The following PXDNL variants were observed in gnomAD, a reference collection of about 807,000 sequenced individuals.
The protein encoded by PXDNL is peroxidasin like, also known as probable oxidoreductase PXDNL.
PXDNL carries 145 observed loss-of-function variants against 150.8 expected under a neutral mutation model. The ratio of observed to expected loss-of-function variants is 0.96; its 90% CI spans 0.84 to 1.10. PXDNL has a LOEUF of 1.10. PXDNL is among the 50% of genes least tolerant of loss of function. The pLI is 0.00. For missense variants in PXDNL, 2,087 were observed against 1,873.9 expected (o/e 1.11, Z -2.10); for synonymous variants, 757 against 725.7 (o/e 1.04, Z -0.69).
chr8:51,437,012 G>T (rs1042669796), intron 12 of PXDNL, among the ~76,000 whole-genome samples: 2 of 152,072 alleles, frequency 1.3e-5, no homozygotes, highest in African/African-American at 4.8e-5. Context: ...AATGAAACAG[G>T]AGATATTACA....
intron 19 of PXDNL, among the ~76,000 whole-genome samples, chr8:51,356,218 G>A (rs1399838116): frequency 6.6e-6 from 1 of 152,196 alleles, no homozygotes; most frequent in East Asian, 1.9e-4. Flanking sequence ...GCTGGGTGGG[G>A]TGGCCCATGC....
rs183837854 is a variant in PXDNL, at chr8:51,656,631, G to A, written c.165-1871C>T. Among the ~76,000 whole-genome samples the A allele has an allele frequency of 6.5e-4, 99 of 152,156 alleles. 1 individual carries two copies. In the East Asian group the frequency reaches 0.019, roughly 28 times the overall value. The stretch of plus-strand genomic sequence containing the variant: ...TACAACAAGGAAGCAAATATAAAAA[G>A]ATAAACCATTTTCCTTATTTTCGGC... On this transcript the variant is annotated intron_variant, in intron 1 of 22. Coordinates refer to ENST00000356297, the MANE Select transcript of PXDNL (RefSeq NM_144651.5).
intron 4 of PXDNL, among the ~76,000 whole-genome samples, chr8:51,525,802 CA>C (rs1811759134): frequency 6.6e-6 from 1 of 152,156 alleles, no homozygotes; most frequent in African/African-American, 2.4e-5. Context: ...ACAGCAGGAC[CA>C]GGGGACAGCT....
In PXDNL at chr8:51,706,800, G is replaced by A. The variant is rs142912064; in HGVS notation, c.165-52040C>T. Among the ~76,000 whole-genome samples, 185 of 152,194 alleles carry A rather than the reference G, an allele frequency of 1.2e-3. 1 individual carries two copies. The highest frequency in any genetic ancestry group is 3.6e-3 in the African/African-American group (151 of 41,534). On this transcript the variant is annotated intron_variant, in intron 1 of 22. Transcript: ENST00000356297. Reference sequence around the variant, plus strand: ...CAAACTTCAATATGAGGTTTCTTACGCTCCTCTTTGCTAAGAGTGTAATTT... The same window carrying A: ...CAAACTTCAATATGAGGTTTCTTACACTCCTCTTTGCTAAGAGTGTAATTT...
intron 3 of PXDNL, among the ~76,000 whole-genome samples, chr8:51,581,062 A>C (rs1813201015): frequency 6.6e-6 from 1 of 152,156 alleles, no homozygotes; most frequent in African/African-American, 2.4e-5. Flanking sequence ...GATTAGGAGA[A>C]CTGGTCTTGA....
intron 10 of PXDNL, among the ~76,000 whole-genome samples, chr8:51,452,924 G>GCACGCACACAAACACATA (rs1809837540): frequency 6.5e-5 from 4 of 61,218 alleles, no homozygotes; most frequent in Non-Finnish European, 1.3e-4. Context: ...ACACACAAAC[G>GCACGCACACAAACACATA]CACACACACA....
At chr8:51,578,212 T>A (rs574714753) in intron 3 of PXDNL, among the ~76,000 whole-genome samples, 8 of 152,034 alleles carry the variant, frequency 5.3e-5, no homozygotes, top group African/African-American at 1.9e-4. Context: ...AATATGCTTA[T>A]GTATGTAAAA....
At chr8:51,365,163 C>A (rs1806875469) in intron 19 of PXDNL, among the ~76,000 whole-genome samples, 1 of 152,152 alleles carries the variant, frequency 6.6e-6, no homozygotes, top group African/African-American at 2.4e-5. Flanking sequence ...GCCTCAAATT[C>A]CTGGCCTCAA....
intron 13 of PXDNL, 150 bp from the exon 14 acceptor site, chr8:51,423,881 G>A: frequency 1.7e-6 from 1 of 582,672 alleles, no homozygotes. Flanking sequence ...TGAATCTAGT[G>A]GAGAGAAGGA....
intron 4 of PXDNL, among the ~76,000 whole-genome samples, chr8:51,534,267 G>A (rs1811997221): frequency 1.4e-5 from 2 of 141,606 alleles, no homozygotes; most frequent in South Asian, 4.4e-4. Flanking sequence ...CGTCTGAGAA[G>A]TGAGGAGCCC....
At chr8:51,322,421 T>C (rs12550267) in intron 21 of PXDNL, among the ~76,000 whole-genome samples, 33,108 of 151,998 alleles carry the variant, frequency 0.22, 3,744 homozygotes, top group Middle Eastern at 0.3. Flanking sequence ...TGGGGAGATC[T>C]ACAGAGAACA....
chr8:51,425,860 C>T (rs962062097), intron 13 of PXDNL, among the ~76,000 whole-genome samples: 1 of 151,756 alleles, frequency 6.6e-6, no homozygotes, highest in African/African-American at 2.4e-5. Context: ...ACTGAGAGGA[C>T]ATGAACCGAA....
At chr8:51,590,299 A>G (rs1006534353) in intron 3 of PXDNL, among the ~76,000 whole-genome samples, 1 of 152,062 alleles carries the variant, frequency 6.6e-6, no homozygotes, top group Admixed American at 6.5e-5. Flanking sequence ...CCAAGCAGAA[A>G]CCTGCCACAG....
rs552963532 is a variant in PXDNL, at chr8:51,406,817, G to C, written c.3557+1250C>G. On this transcript the variant is annotated intron_variant, in intron 17 of 22. Transcript: ENST00000356297. ...CGCACGCTGTCAGGCTTTCCCTGGT[G>C]GATGCTGTTCAGTCATCTCGGCTCC... Among the ~76,000 whole-genome samples, 276 of 152,264 alleles carry C rather than the reference G, an allele frequency of 1.8e-3. 2 individuals are homozygous for C. Among genetic ancestry groups the C allele is most frequent in the African/African-American group, 6.4e-3 (265 of 41,550 alleles).
At chr8:51,705,139 G>C (rs1156482347) in intron 1 of PXDNL, among the ~76,000 whole-genome samples, 1 of 152,156 alleles carries the variant, frequency 6.6e-6, no homozygotes, top group African/African-American at 2.4e-5. Flanking sequence ...TTTGACTGAA[G>C]CTTTGATTCT....
Position 51,694,296 on chromosome 8 carries a change from G to A in PXDNL, c.165-39536C>T, listed in dbSNP as rs1816067515. Reference sequence around the variant, plus strand: ...GGGAATCACTTGAATCCAGGAGGCGGAGGTTGCACTGAGCCAAGATGGTGC... The same window carrying A: ...GGGAATCACTTGAATCCAGGAGGCGAAGGTTGCACTGAGCCAAGATGGTGC... On this transcript the variant is annotated intron_variant, in intron 1 of 22. Coordinates refer to ENST00000356297, the MANE Select transcript of PXDNL (RefSeq NM_144651.5). 3.3e-5 allele frequency among the ~76,000 whole-genome samples: 5 copies of A among 152,192 alleles called. No individual in the cohort carries two copies. The South Asian group carries it at 1.0e-3, about 32-fold the overall frequency.
chr8:51,644,230 TA>T (rs1188179244), intron 2 of PXDNL, among the ~76,000 whole-genome samples: 1 of 144,578 alleles, frequency 6.9e-6, no homozygotes, highest in East Asian at 2.1e-4. Context: ...ATCAGAGAAC[TA>T]AAAGTGAAGG....
At position 51,557,447 on chromosome 8, in the gene PXDNL, T is replaced by C. The variant is rs116610778; in HGVS notation, c.309-536A>G. 1.9e-3 allele frequency among the ~76,000 whole-genome samples: 285 copies of C among 152,270 alleles called. 2 individuals carry two copies. Among genetic ancestry groups the C allele is most frequent in the African/African-American group, 6.6e-3 (275 of 41,574 alleles). On this transcript the variant is annotated intron_variant, in intron 3 of 22. Coordinates refer to ENST00000356297, the MANE Select transcript of PXDNL (RefSeq NM_144651.5). ...GATACAACTAATCTTTACCAAAGGG[T>C]TTAAAGAAAACAATTTATGTGACAT... is the stretch of plus-strand genomic sequence containing the variant.
At position 51,547,020 on chromosome 8, in the gene PXDNL, G is replaced by A. The variant is rs553926172; in HGVS notation, c.380+9820C>T. Reference sequence around the variant, plus strand: ...CCCCACCAAAGAAGAGTCTGAGCTCGGTACTGCCCAATCCTGCCCCCACCT... The same window carrying A: ...CCCCACCAAAGAAGAGTCTGAGCTCAGTACTGCCCAATCCTGCCCCCACCT... On this transcript the variant is annotated intron_variant, in intron 4 of 22. Coordinates refer to ENST00000356297, the MANE Select transcript of PXDNL (RefSeq NM_144651.5). Among the ~76,000 whole-genome samples, 20 of 152,226 alleles carry A rather than the reference G, an allele frequency of 1.3e-4. No individual in the cohort carries two copies. The Middle Eastern group carries it at 0.01, about 78-fold the overall frequency.
Sources: allele counts gnomAD v4.1 joint callset (sites outside exome capture counted in the v4.1 genomes callset), GRCh38; gene constraint gnomAD v4.1.1; transcripts MANE v1.5; gene names NCBI Gene and HGNC (gene_info 2026-07-23, HGNC 2026-07-21).